Variants in NOL4L observed in about 807,000 individuals in gnomAD.
NOL4L encodes the protein nucleolar protein 4 like.
A neutral mutation model predicts 64.5 loss-of-function variants in NOL4L; 7 were observed. The observed-to-expected ratio is 0.11, with a 90% CI of 0.06 to 0.20. The LOEUF is 0.20. Ranked by LOEUF, NOL4L falls within the 10% of genes least tolerant of loss-of-function variation. The probability of loss-of-function intolerance (pLI) is 1.00; values close to 1 mark genes in which losing one functional copy is unlikely to be tolerated. For synonymous variants in NOL4L, 413 were observed against 401.0 expected (o/e 1.03, Z -0.36); for missense variants, 680 against 967.1 (o/e 0.70, Z 3.94).
chr20:32,476,884 GT>G (rs2015430485), intron 4 of NOL4L, among the ~76,000 whole-genome samples: 1 of 152,268 alleles, frequency 6.6e-6, no homozygotes, highest in Non-Finnish European at 1.5e-5. Flanking sequence ...CCTGCGAGAA[GT>G]GAGGAGGGGA....
Position 32,585,310 on chromosome 20 carries a change from GCTTGCGCGGCTCATCCT to G in NOL4L, c.-437_-421del, listed in dbSNP as rs1980815674. Among the ~76,000 whole-genome samples, 1 of 149,144 alleles carries G rather than the reference GCTTGCGCGGCTCATCCT, an allele frequency of 6.7e-6. No homozygotes were observed. Among genetic ancestry groups the G allele is most frequent in the Non-Finnish European group, 1.5e-5 (1 of 66,808 alleles). Reference sequence around the variant, plus strand: ...GCGCGGGCGGCAGCAGTGGCTGTCAGCTTGCGCGGCTCATCCTGCTCTTGCTCAGGCTCCCGCTGCCG... The same window carrying G: ...GCGCGGGCGGCAGCAGTGGCTGTCAGGCTCTTGCTCAGGCTCCCGCTGCCG... On this transcript the variant is annotated 5_prime_UTR_variant, in exon 1 of 11. An upstream start codon of the reference 5' UTR is lost. Transcript: ENST00000621426.
chr20:32,532,327 C>G, intron 1 of NOL4L: 6 of 985,054 alleles, frequency 6.1e-6, no homozygotes, highest in Non-Finnish European at 7.2e-6. Flanking sequence ...CTTGAACTGT[C>G]CTCTGGTGAG....
At chr20:32,452,735 C>T in intron 9 of NOL4L, 149 bp downstream of exon 9, 2 of 1,272,614 alleles carry the variant, frequency 1.6e-6, no homozygotes, top group Non-Finnish European at 1.1e-6. Flanking sequence ...GACCTCCACC[C>T]ACCTCCTCTC....
At chr20:32,462,030 G>A (rs1473578598) in intron 5 of NOL4L, among the ~76,000 whole-genome samples, 4 of 152,052 alleles carry the variant, frequency 2.6e-5, no homozygotes, top group African/African-American at 9.7e-5. Flanking sequence ...CACAGCAACT[G>A]GTAATAGCGT....
chr20:32,467,542 C>T (rs2014658572), intron 5 of NOL4L, among the ~76,000 whole-genome samples: 2 of 152,154 alleles, frequency 1.3e-5, no homozygotes, highest in South Asian at 4.1e-4. Flanking sequence ...GCCTCCATGG[C>T]AGAGGGGACC....
intron 4 of NOL4L, among the ~76,000 whole-genome samples, chr20:32,484,567 GCCCGCCGCCCGCGTGCCCGCCCCCGC>G (rs1266662205): frequency 5.9e-5 from 9 of 151,598 alleles, no homozygotes; most frequent in Admixed American, 5.2e-4. Context: ...GACCCCCAGC[GCCCGCCGCCCGCGTGCCCGCCCCCGC>G]CCCGCCGCCG....
intron 5 of NOL4L, chr20:32,465,027 G>A: frequency 1.6e-6 from 1 of 633,616 alleles, no homozygotes. Context: ...ATTTCTCTCT[G>A]CAGAGACCCT....
intron 3 of NOL4L, among the ~76,000 whole-genome samples, chr20:32,515,130 G>A (rs1161864928): frequency 6.6e-6 from 1 of 152,096 alleles, no homozygotes; most frequent in Non-Finnish European, 1.5e-5. Flanking sequence ...AGCACCCTTG[G>A]GAGGCGTGAG....
chr20:32,468,100 T>C (rs1026778427), intron 5 of NOL4L, among the ~76,000 whole-genome samples: 1 of 152,182 alleles, frequency 6.6e-6, no homozygotes, highest in Non-Finnish European at 1.5e-5. Context: ...CCAGGCCATG[T>C]CACAGAGAGA....
chr20:32,552,945 G>A (rs1978397467), intron 1 of NOL4L, among the ~76,000 whole-genome samples: 1 of 152,178 alleles, frequency 6.6e-6, no homozygotes, highest in Non-Finnish European at 1.5e-5. Flanking sequence ...GGAGGCTGCA[G>A]GAAGCTAAGA....
chr20:32,463,176 G>A lies in NOL4L; in HGVS notation c.842-6781C>T, dbSNP rs200002941. On this transcript the variant is annotated intron_variant, in intron 5 of 10. Coordinates refer to ENST00000621426, the MANE Select transcript of NOL4L (RefSeq NM_001256798.2). This position sits in a 1 kb window ranked among gnomAD's most constrained non-coding sequence, Gnocchi z 5.8. ...CGAAGCCCCAGCACACAGGCCTCAC[G>A]GGGTGCAGGCCTCCAGCTGGGAGGC... is the stretch of plus-strand genomic sequence containing the variant. Among the ~76,000 whole-genome samples the A allele has an allele frequency of 2.2e-3, 339 of 152,316 alleles. 3 individuals are homozygous for A. The highest frequency in any genetic ancestry group is 7.7e-3 in the African/African-American group (321 of 41,572).
Position 32,527,871 on chromosome 20 carries a change from G to A in NOL4L, c.364C>T (p.Arg122Trp). Residue 122 changes from arginine to tryptophan, a missense_variant, in exon 2 of 11, where the codon CGG (arginine) becomes TGG (tryptophan). Arg to Trp is a moderately radical substitution (Grantham distance 101). This residue lies in a region of NOL4L where 181 missense variants were observed against 335.2 expected (regional missense o/e 0.54). Transcript: ENST00000621426. ...AAGAAATCTTCCACCACAGCGACCC[G>A]CTTCAGAGAGATGCCCTCTGGCTCC... Reference protein sequence around the residue: ...LSEPEGISLKRVAVVEDFFDI... With the variant: ...LSEPEGISLKWVAVVEDFFDI... The A allele has an allele frequency of 6.4e-7, 1 of 1,550,532 alleles. No individual in the cohort carries two copies. Among genetic ancestry groups the A allele is most frequent in the Non-Finnish European group, 8.7e-7 (1 of 1,146,944 alleles).
chr20:32,445,137 C>CT lies in NOL4L; in HGVS notation c.*2458dup, dbSNP rs759995337. The CT allele has an allele frequency of 2.0e-5, 3 of 152,364 alleles. No homozygotes were observed. The highest frequency in any genetic ancestry group is 6.5e-5 in the Admixed American group (1 of 15,302). 9.4% of individuals were successfully genotyped at this position (152,364 alleles called of 1,614,324 possible). On this transcript the variant is annotated 3_prime_UTR_variant, in exon 11 of 11. Coordinates refer to ENST00000621426, the MANE Select transcript of NOL4L (RefSeq NM_001256798.2). ...GGAGGGGCCTGGGAGGCCCAATGGACTTTAACAACATATTCTTTCCTTTCT... is the reference window on the plus strand; with the variant it reads ...GGAGGGGCCTGGGAGGCCCAATGGACTTTTAACAACATATTCTTTCCTTTCT...
In NOL4L at chr20:32,453,871, GC is replaced by G. The variant is rs2013195471; in HGVS notation, c.1120-111del. Reference sequence around the variant, plus strand: ...ACCAGGGTGGCACGCATGCCCTGCTGCCACGAGAGCCATAGCTGCGAGGCCC... The same window carrying G: ...ACCAGGGTGGCACGCATGCCCTGCTGCACGAGAGCCATAGCTGCGAGGCCC... On this transcript the variant is annotated intron_variant, in intron 6 of 10. Coordinates refer to ENST00000621426, the MANE Select transcript of NOL4L (RefSeq NM_001256798.2). This position sits in a 1 kb window ranked among gnomAD's most constrained non-coding sequence, Gnocchi z 5.6. The G allele has an allele frequency of 5.3e-6, 5 of 950,088 alleles. No individual in the cohort carries two copies. The allele number at this position is 950,088 out of a possible 1,614,324, so 58.9% of individuals were successfully genotyped here. A position where few individuals can be genotyped will look rare whatever the true frequency, so the allele number is the denominator to read the frequency against.
chr20:32,492,048 C>T (rs1319471647), intron 4 of NOL4L, among the ~76,000 whole-genome samples: 6 of 152,196 alleles, frequency 3.9e-5, no homozygotes, highest in African/African-American at 1.4e-4. Context: ...GAGATCAAGG[C>T]TGCAGTGAGC....
intron 1 of NOL4L, among the ~76,000 whole-genome samples, chr20:32,563,739 T>C (rs748218820): frequency 3.9e-5 from 6 of 152,134 alleles, no homozygotes; most frequent in African/African-American, 7.2e-5. Context: ...AAGTGACTTA[T>C]GTAAGGTCAC....
chr20:32,485,078 A>AAAAAAAAAAAAAAAAAAAAC (rs1568643165), intron 4 of NOL4L, among the ~76,000 whole-genome samples: 1 of 147,714 alleles, frequency 6.8e-6, no homozygotes, highest in African/African-American at 2.5e-5. Context: ...AAAAAAAAAA[A>AAAAAAAAAAAAAAAAAAAAC]AAAAAAAAAC....
intron 4 of NOL4L, among the ~76,000 whole-genome samples, chr20:32,481,501 A>G (rs1319845136): frequency 6.6e-6 from 1 of 152,142 alleles, no homozygotes; most frequent in Non-Finnish European, 1.5e-5. Flanking sequence ...TAGGGGCCGC[A>G]GGAAAAGTTC....
intron 1 of NOL4L, among the ~76,000 whole-genome samples, chr20:32,559,593 A>AG (rs1466372638): frequency 6.6e-6 from 1 of 152,162 alleles, no homozygotes; most frequent in African/African-American, 2.4e-5. Flanking sequence ...AGGCCTACAC[A>AG]GGGGAGGGAA....
Sources: allele counts gnomAD v4.1 joint callset (sites outside exome capture counted in the v4.1 genomes callset), GRCh38; gene constraint gnomAD v4.1.1; regional missense constraint gnomAD v4.1.1; non-coding constraint Gnocchi (gnomAD v3.1); transcripts MANE v1.5; gene names NCBI Gene and HGNC (gene_info 2026-07-23, HGNC 2026-07-21).